The following SLIT3 variants were observed in gnomAD, a reference collection of about 807,000 sequenced individuals.
SLIT3 encodes slit guidance ligand 3.
Under a neutral mutation model 184.0 loss-of-function variants are expected in SLIT3, and 68 were observed. The observed-to-expected ratio is 0.37, with a 90% CI of 0.30 to 0.45. SLIT3 has a LOEUF of 0.45. Ranked by LOEUF, SLIT3 falls within the 20% of genes least tolerant of loss-of-function variation. SLIT3 has a pLI of 1.00. For missense variants in SLIT3, 1,707 were observed against 2,026.0 expected, an observed-to-expected ratio of 0.84 and a Z score of 3.02; for synonymous variants, 831 against 828.6, an observed-to-expected ratio of 1.00 and a Z score of -0.05.
chr5:168,790,381 G>C (rs1756322540), intron 10 of SLIT3: 1 of 152,218 alleles, frequency 6.6e-6, no homozygotes, highest in South Asian at 2.1e-4. Context: ...CCGGGGTCTG[G>C]GGCAGCTAAC....
In SLIT3 at chr5:168,748,289, TG is replaced by T. The variant is rs1289147560; in HGVS notation, c.2270+12del. On this transcript the variant is annotated intron_variant, in intron 20 of 35. Transcript: ENST00000519560. The stretch of plus-strand genomic sequence containing the variant: ...AGATGACAGGGTGCTTGGAGGCAGC[TG>T]GGGGTACTTACAGCTCGGTCACATC... 4.1e-6 allele frequency: 6 copies of T among 1,458,602 alleles called. No homozygotes were observed. Among genetic ancestry groups the T allele is most frequent in the South Asian group, 3.0e-5 (2 of 66,868 alleles). The allele number at this position is 1,458,602 out of a possible 1,614,324, so 90.4% of individuals were successfully genotyped here.
intron 1 of SLIT3, among the ~76,000 whole-genome samples, chr5:169,286,302 A>C (rs1295658480): frequency 6.6e-6 from 1 of 152,092 alleles, no homozygotes; most frequent in African/African-American, 2.4e-5. Context: ...ACCGACTGCT[A>C]TTTTTTTAAA....
intron 26 of SLIT3, among the ~76,000 whole-genome samples, chr5:168,703,117 G>A (rs1162880294): frequency 6.6e-6 from 1 of 152,070 alleles, no homozygotes; most frequent in Non-Finnish European, 1.5e-5. Context: ...TATTGCCAAC[G>A]CCTGGTTAAT....
intron 4 of SLIT3, among the ~76,000 whole-genome samples, chr5:169,033,926 C>G (rs987904341): frequency 6.6e-6 from 1 of 151,446 alleles, no homozygotes; most frequent in African/African-American, 2.4e-5. Flanking sequence ...GATTCTCCTG[C>G]CTCAGCCTCC....
chr5:169,027,527 C>T (rs149581181), intron 4 of SLIT3, among the ~76,000 whole-genome samples: 15 of 152,256 alleles, frequency 9.9e-5, no homozygotes, highest in Non-Finnish European at 2.1e-4. Context: ...TGGCTTTCCC[C>T]GCTTCCTAAG....
At chr5:169,217,141 A>AC (rs1420813108) in intron 3 of SLIT3, among the ~76,000 whole-genome samples, 2 of 148,176 alleles carry the variant, frequency 1.3e-5, no homozygotes, top group Admixed American at 1.4e-4. Context: ...AAAAAAAAAA[A>AC]AAAAAAAAAA....
rs770650322 is a variant in SLIT3, at chr5:168,804,310, C to CAAA, written c.935+2133_935+2135dup. Among the ~76,000 whole-genome samples the CAAA allele has an allele frequency of 1.1e-3, 60 of 52,372 alleles. 1 individual carries two copies. Among genetic ancestry groups the CAAA allele is most frequent in the African/African-American group, 3.2e-3 (40 of 12,564 alleles). 34.4% of individuals were successfully genotyped at this position (52,372 alleles called of 152,430 possible). ...GGGTGAGAAGAGTGAAACTCTTTCTCAAAAAAAAAAAAAAAAAAAAAAAAA... is the reference window on the plus strand; with the variant it reads ...GGGTGAGAAGAGTGAAACTCTTTCTCAAAAAAAAAAAAAAAAAAAAAAAAAAAA... On this transcript the variant is annotated intron_variant, in intron 9 of 35. Coordinates refer to ENST00000519560, the MANE Select transcript of SLIT3 (RefSeq NM_003062.4).
rs75220437 is a variant in SLIT3 at position 168,697,783 on chromosome 5, T to C, written c.2943-1352A>G. Among the ~76,000 whole-genome samples the C allele has an allele frequency of 4.0e-3, 616 of 152,324 alleles. 4 individuals carry two copies. The highest frequency in any genetic ancestry group is 0.014 in the African/African-American group (576 of 41,578). The stretch of plus-strand genomic sequence containing the variant: ...CATTCTTTTTTCCTGTTAGGGACTC[T>C]GGGCACTCATGAAAAAGGCTACTTC... On this transcript the variant is annotated intron_variant, in intron 27 of 35. Coordinates refer to ENST00000519560, the MANE Select transcript of SLIT3 (RefSeq NM_003062.4).
At chr5:169,089,139 C>T (rs1276419801) in intron 4 of SLIT3, among the ~76,000 whole-genome samples, 1 of 150,550 alleles carries the variant, frequency 6.6e-6, no homozygotes, top group East Asian at 2.0e-4. Context: ...ATGCAGCAGC[C>T]CTGTACCGCT....
intron 4 of SLIT3, among the ~76,000 whole-genome samples, chr5:168,885,765 G>A (rs1760178150): frequency 1.3e-5 from 2 of 152,218 alleles, no homozygotes; most frequent in African/African-American, 2.4e-5. Context: ...GCTGGAAGCT[G>A]GATGAGGGGG....
intron 20 of SLIT3, among the ~76,000 whole-genome samples, chr5:168,745,165 T>C (rs907853213): frequency 6.6e-6 from 1 of 152,162 alleles, no homozygotes; most frequent in African/African-American, 2.4e-5. Context: ...GCTGCAGATA[T>C]GGTGAAAATA....
chr5:169,253,402 G>A (rs1483005033), intron 1 of SLIT3, among the ~76,000 whole-genome samples: 3 of 152,300 alleles, frequency 2.0e-5, no homozygotes, highest in East Asian at 1.9e-4. Flanking sequence ...GTGGCGGGGG[G>A]CAGAAGGTGT....
Position 168,708,119 on chromosome 5 carries a change from G to A in SLIT3, c.2720-19C>T. On this transcript the variant is annotated intron_variant, in intron 25 of 35. Transcript: ENST00000519560. ...ACTGGCCCTGGGCAGCAAAACCAGA[G>A]TACTGATGGCAGGTCCTGAGTGCGC... 1 of 1,614,178 alleles carries A rather than the reference G, an allele frequency of 6.2e-7. No homozygotes were observed. Among genetic ancestry groups the A allele is most frequent in the Non-Finnish European group, 8.5e-7 (1 of 1,180,034 alleles).
At chr5:169,083,051 A>G (rs1041144260) in intron 4 of SLIT3, among the ~76,000 whole-genome samples, 3 of 152,230 alleles carry the variant, frequency 2.0e-5, no homozygotes, top group Non-Finnish European at 2.9e-5. Flanking sequence ...GTTATTCAAA[A>G]TAAGAATTTG....
chr5:168,803,476 G>C (rs1396860016), intron 9 of SLIT3, among the ~76,000 whole-genome samples: 1 of 152,338 alleles, frequency 6.6e-6, no homozygotes, highest in Non-Finnish European at 1.5e-5. Flanking sequence ...CAACCTTTCA[G>C]GTATGGTCTG....
chr5:168,926,375 A>G (rs938933449), intron 4 of SLIT3, among the ~76,000 whole-genome samples: 1 of 152,238 alleles, frequency 6.6e-6, no homozygotes, highest in Non-Finnish European at 1.5e-5. Context: ...GAGAGAACAT[A>G]TATCTTCAAT....
At chr5:168,973,960 G>A (rs1217021172) in intron 4 of SLIT3, among the ~76,000 whole-genome samples, 4 of 152,182 alleles carry the variant, frequency 2.6e-5, no homozygotes, top group African/African-American at 9.7e-5. Flanking sequence ...TGCTAATGGA[G>A]CTCTCATGAA....
intron 4 of SLIT3, among the ~76,000 whole-genome samples, chr5:168,917,028 A>G (rs1761458357): frequency 6.6e-6 from 1 of 152,192 alleles, no homozygotes; most frequent in African/African-American, 2.4e-5. Context: ...CATGACTAAT[A>G]TGTTCAGCTT....
At chr5:169,212,101 T>C (rs1339122502) in intron 3 of SLIT3, among the ~76,000 whole-genome samples, 1 of 152,220 alleles carries the variant, frequency 6.6e-6, no homozygotes, top group African/African-American at 2.4e-5. Context: ...TGTGTCTTTA[T>C]AGTAGAATGA....
Sources: allele counts gnomAD v4.1 joint callset (sites outside exome capture counted in the v4.1 genomes callset), GRCh38; gene constraint gnomAD v4.1.1; transcripts MANE v1.5; gene names NCBI Gene and HGNC (gene_info 2026-07-23, HGNC 2026-07-21).